RBM20: variants seen among roughly 807,000 people sequenced by gnomAD.
RBM20 encodes the protein RNA-binding protein 20.
Under a neutral mutation model 110.1 loss-of-function variants are expected in RBM20, and 51 were observed. The ratio of observed to expected loss-of-function variants is 0.46; its 90% CI spans 0.37 to 0.59. The LOEUF is 0.59. Ranked by LOEUF, RBM20 falls within the 20% of genes least tolerant of loss-of-function variation. The pLI is 0.00. For missense variants in RBM20, 1,512 were observed against 1,574.9 expected (o/e 0.96, Z 0.68); for synonymous variants, 589 against 618.2 (o/e 0.95, Z 0.70).
intron 1 of RBM20, among the ~76,000 whole-genome samples, chr10:110,670,320 G>T (rs1281135145): frequency 6.6e-6 from 1 of 152,150 alleles, no homozygotes; most frequent in Admixed American, 6.5e-5. Flanking sequence ...GCTCACTCTT[G>T]TCTCTTTCCC....
At chr10:110,686,620 G>A (rs999614600) in intron 1 of RBM20, among the ~76,000 whole-genome samples, 1 of 151,464 alleles carries the variant, frequency 6.6e-6, no homozygotes, top group Non-Finnish European at 1.5e-5. Flanking sequence ...GCCAGATGCT[G>A]TCTCTAAAAA....
At chr10:110,795,679 A>T (rs1163252387) in intron 5 of RBM20, among the ~76,000 whole-genome samples, 1 of 152,234 alleles carries the variant, frequency 6.6e-6, no homozygotes, top group Non-Finnish European at 1.5e-5. Context: ...AATTGTGATT[A>T]TGCAAATGGA....
chr10:110,644,296 G>A, upstream of RBM20: 3 of 489,438 alleles, frequency 6.1e-6, no homozygotes, highest in African/African-American at 2.0e-5. The surrounding 1 kb of genome is among the most constrained non-coding windows in gnomAD (Gnocchi z 4.3). Context: ...AGGCGGCGCC[G>A]CCAGGACTGC....
chr10:110,803,547 G>A (rs973106501), intron 7 of RBM20, among the ~76,000 whole-genome samples: 4 of 152,128 alleles, frequency 2.6e-5, no homozygotes, highest in Non-Finnish European at 4.4e-5. Context: ...GCTGCTGCTG[G>A]TGGTCCTCGG....
intron 7 of RBM20, among the ~76,000 whole-genome samples, chr10:110,802,117 A>G (rs1230165015): frequency 1.3e-5 from 2 of 152,164 alleles, no homozygotes; most frequent in African/African-American, 2.4e-5. Flanking sequence ...GTTCCATTTA[A>G]TAGGGATTTT....
chr10:110,776,529 C>G (rs1844266664), intron 1 of RBM20, among the ~76,000 whole-genome samples: 1 of 152,148 alleles, frequency 6.6e-6, no homozygotes, highest in South Asian at 2.1e-4. Context: ...GGCTCATGGC[C>G]CCTTCCTCCA....
intron 1 of RBM20, among the ~76,000 whole-genome samples, chr10:110,660,486 C>T (rs111788447): frequency 0.19 from 28,227 of 152,044 alleles, 3,745 homozygotes; most frequent in African/African-American, 0.36. Context: ...AGGAGGTGAG[C>T]GGTGGGCGAG....
At chr10:110,802,387 T>C in intron 7 of RBM20, among the ~76,000 whole-genome samples, 1 of 71,452 alleles carries the variant, frequency 1.4e-5, no homozygotes, top group African/African-American at 1.3e-4. Context: ...ACCTGGCTTT[T>C]TTTTTTTTTT....
intron 1 of RBM20, among the ~76,000 whole-genome samples, chr10:110,771,884 G>A (rs1844198384): frequency 6.6e-6 from 1 of 152,164 alleles, no homozygotes; most frequent in Non-Finnish European, 1.5e-5. Flanking sequence ...ATAAACATTA[G>A]CAATTTGGTT....
Position 110,831,137 on chromosome 10 carries a change from A to G in RBM20, c.3528A>G (p.Ala1176=), listed in dbSNP as rs1198655658. ...CGLFYTSEET[A]KMSHCRSAVH... Reference sequence around the variant, plus strand: ...TGTTCTACACGAGCGAGGAGACAGCAAAGATGAGCCACTGCCGCAGCGCTG... The same window carrying G: ...TGTTCTACACGAGCGAGGAGACAGCGAAGATGAGCCACTGCCGCAGCGCTG... Residue 1176 remains alanine (A), a synonymous_variant, in exon 13 of 14, where the codon GCA becomes GCG. Coordinates refer to ENST00000369519, the MANE Select transcript of RBM20 (RefSeq NM_001134363.3). The G allele has an allele frequency of 6.4e-7, 1 of 1,551,588 alleles. No homozygotes were observed. Among genetic ancestry groups the G allele is most frequent in the Non-Finnish European group, 8.7e-7 (1 of 1,146,974 alleles).
At chr10:110,660,693 T>C (rs1361579643) in intron 1 of RBM20, among the ~76,000 whole-genome samples, 3 of 151,558 alleles carry the variant, frequency 2.0e-5, no homozygotes, top group Non-Finnish European at 4.4e-5. Flanking sequence ...CTGTCTCCCA[T>C]CACCCCGAGA....
chr10:110,835,977 G>C lies in RBM20; in HGVS notation c.3683G>C (p.Ter1228SerextTer33). Residue 1228 changes from the stop codon to serine (S), a stop_lost, in exon 14 of 14, where the codon TGA becomes TCA. Coordinates refer to ENST00000369519, the MANE Select transcript of RBM20 (RefSeq NM_001134363.3). ...IVPRFERKKL[*>S] ...CCACGCTTCGAAAGGAAAAAGCTCT[G>C]ATGCTTCTGCTTCTGCTGCTACTGC... The C allele has an allele frequency of 8.9e-7, 1 of 1,123,726 alleles. No homozygotes were observed. Among genetic ancestry groups the C allele is most frequent in the South Asian group, 1.4e-5 (1 of 71,316 alleles). The allele number at this position is 1,123,726 out of a possible 1,614,324, so 69.6% of individuals were successfully genotyped here. A position where few individuals can be genotyped will look rare whatever the true frequency, so the allele number is the denominator to read the frequency against.
intron 12 of RBM20, chr10:110,827,759 G>T (rs1421863307): frequency 6.6e-6 from 1 of 152,190 alleles, no homozygotes; most frequent in Non-Finnish European, 1.5e-5. Context: ...ATTCACTCAT[G>T]AAATATTTAA....
At chr10:110,761,504 C>T (rs899615037) in intron 1 of RBM20, among the ~76,000 whole-genome samples, 7 of 152,160 alleles carry the variant, frequency 4.6e-5, no homozygotes, top group African/African-American at 9.7e-5. Context: ...GGCACTTGGG[C>T]GACTTAAGCC....
chr10:110,818,446 GGGCCCTGTGGT>G (rs1257871709), intron 9 of RBM20, among the ~76,000 whole-genome samples: 1 of 150,092 alleles, frequency 6.7e-6, no homozygotes, highest in Non-Finnish European at 1.5e-5. Flanking sequence ...TCGGTAGCCC[GGGCCCTGTGGT>G]GGCAGAGCCC....
chr10:110,730,530 AG>A (rs980482872), intron 1 of RBM20, among the ~76,000 whole-genome samples: 1 of 152,234 alleles, frequency 6.6e-6, no homozygotes, highest in African/African-American at 2.4e-5. Context: ...GGAGTCAGAC[AG>A]GGTGGGGTTC....
intron 1 of RBM20, among the ~76,000 whole-genome samples, chr10:110,665,605 C>G (rs1862164181): frequency 6.6e-6 from 1 of 151,890 alleles, no homozygotes; most frequent in African/African-American, 2.4e-5. Flanking sequence ...TTGTTTGGGT[C>G]CTAGCTCAAA....
At chr10:110,749,460 T>C (rs1843825973) in intron 1 of RBM20, among the ~76,000 whole-genome samples, 2 of 151,906 alleles carry the variant, frequency 1.3e-5, no homozygotes, top group Non-Finnish European at 2.9e-5. Context: ...ATAGAAAAAA[T>C]TATAAAACAT....
intron 9 of RBM20, among the ~76,000 whole-genome samples, chr10:110,816,184 C>T (rs575909295): frequency 1.3e-5 from 2 of 152,214 alleles, no homozygotes; most frequent in Admixed American, 1.3e-4. Context: ...TGCTCCTCAC[C>T]TCCTTCGTCT....
Sources: allele counts gnomAD v4.1 joint callset (sites outside exome capture counted in the v4.1 genomes callset), GRCh38; gene constraint gnomAD v4.1.1; non-coding constraint Gnocchi (gnomAD v3.1); transcripts MANE v1.5; gene names NCBI Gene and HGNC (gene_info 2026-07-23, HGNC 2026-07-21).